GABBR2: variants seen among roughly 807,000 people sequenced by gnomAD.
The protein encoded by GABBR2 is gamma-aminobutyric acid type B receptor subunit 2, also known as G-protein coupled receptor 51.
In GABBR2, 23 loss-of-function variants were observed where a neutral mutation model predicts 105.6. That is an observed-to-expected ratio of 0.22 (90% CI 0.16 to 0.31). The LOEUF (loss-of-function observed/expected upper bound fraction) is 0.31. Ranked by LOEUF, GABBR2 falls within the 10% of genes least tolerant of loss-of-function variation. The probability of loss-of-function intolerance (pLI) is 1.00; values close to 1 mark genes in which losing one functional copy is unlikely to be tolerated. For synonymous variants in GABBR2, 478 were observed against 499.7 expected, an observed-to-expected ratio of 0.96 and a Z score of 0.58; for missense variants, 734 against 1,245.5, an observed-to-expected ratio of 0.59 and a Z score of 6.18.
At chr9:98,628,864 A>C (rs1162309134) in intron 1 of GABBR2, among the ~76,000 whole-genome samples, 2 of 152,222 alleles carry the variant, frequency 1.3e-5, no homozygotes, top group African/African-American at 2.4e-5. Flanking sequence ...GGCCACGTGC[A>C]AACATGCACG....
chr9:98,491,087 A>G (rs1030956421), intron 4 of GABBR2, among the ~76,000 whole-genome samples: 3 of 151,472 alleles, frequency 2.0e-5, no homozygotes, highest in Admixed American at 1.3e-4. Context: ...TTCCGTCTCT[A>G]TTTTTAACAG....
At chr9:98,706,118 AAAAAAAAAG>A (rs1276602358) in intron 1 of GABBR2, among the ~76,000 whole-genome samples, 1 of 151,618 alleles carries the variant, frequency 6.6e-6, no homozygotes, top group Non-Finnish European at 1.5e-5. Flanking sequence ...ACAAAAAAAA[AAAAAAAAAG>A]AAGGAGGAGG....
intron 3 of GABBR2, among the ~76,000 whole-genome samples, chr9:98,501,267 C>T (rs1290323198): frequency 5.9e-5 from 9 of 151,956 alleles, no homozygotes; most frequent in African/African-American, 9.7e-5. Flanking sequence ...CAGCTTCAAG[C>T]GATTCTCCTG....
intron 3 of GABBR2, among the ~76,000 whole-genome samples, chr9:98,510,608 A>C (rs1176135077): frequency 6.6e-6 from 1 of 152,200 alleles, no homozygotes; most frequent in Admixed American, 6.5e-5. Flanking sequence ...AAAAAAAGGC[A>C]GGGGTTGCAA....
intron 13 of GABBR2, among the ~76,000 whole-genome samples, chr9:98,340,285 A>T (rs1831189075): frequency 6.6e-6 from 1 of 151,728 alleles, no homozygotes; most frequent in Non-Finnish European, 1.5e-5. Context: ...ACCCAGATTC[A>T]ATCTTAGTTC....
chr9:98,493,966 T>C (rs762836669), intron 4 of GABBR2, among the ~76,000 whole-genome samples: 3 of 152,196 alleles, frequency 2.0e-5, no homozygotes, highest in South Asian at 2.1e-4. Context: ...CAGATATTGT[T>C]AGAGGTAACT....
intron 11 of GABBR2, among the ~76,000 whole-genome samples, chr9:98,373,510 G>A (rs1478820843): frequency 6.6e-6 from 1 of 152,138 alleles, no homozygotes; most frequent in African/African-American, 2.4e-5. Context: ...CTCCTCCTCA[G>A]ATGGAGTCTC....
intron 13 of GABBR2, among the ~76,000 whole-genome samples, chr9:98,322,117 T>C (rs1374547391): frequency 6.6e-6 from 1 of 152,094 alleles, no homozygotes; most frequent in Non-Finnish European, 1.5e-5. Context: ...CAGGGGATCC[T>C]ATTTGGTCCT....
At chr9:98,467,947 G>C (rs1166492948) in intron 6 of GABBR2, among the ~76,000 whole-genome samples, 1 of 152,216 alleles carries the variant, frequency 6.6e-6, no homozygotes, top group East Asian at 1.9e-4. Flanking sequence ...AAACGAACAG[G>C]ACTTGAAAAA....
intron 7 of GABBR2, among the ~76,000 whole-genome samples, chr9:98,432,513 C>T (rs932539233): frequency 7.9e-5 from 12 of 152,158 alleles, no homozygotes; most frequent in African/African-American, 7.2e-5. Flanking sequence ...GTGGCTGACC[C>T]CAGCACACAA....
intron 11 of GABBR2, among the ~76,000 whole-genome samples, chr9:98,376,553 A>C (rs1831877089): frequency 6.9e-6 from 1 of 145,430 alleles, no homozygotes; most frequent in Non-Finnish European, 1.5e-5. Context: ...GCCCCAAAGC[A>C]AGCCCCAGAG....
intron 1 of GABBR2, among the ~76,000 whole-genome samples, chr9:98,690,429 T>C (rs756595309): frequency 5.9e-5 from 9 of 152,222 alleles, no homozygotes; most frequent in Non-Finnish European, 1.2e-4. Flanking sequence ...ATTTCATCTT[T>C]ATACATCAGC....
chr9:98,374,638 G>T (rs1322647070), intron 11 of GABBR2, among the ~76,000 whole-genome samples: 1 of 152,138 alleles, frequency 6.6e-6, no homozygotes, highest in Admixed American at 6.5e-5. Context: ...AAAACCCTGG[G>T]CGTGTCATCT....
intron 1 of GABBR2, among the ~76,000 whole-genome samples, chr9:98,706,936 T>C (rs917349976): frequency 6.6e-6 from 1 of 152,144 alleles, no homozygotes; most frequent in Non-Finnish European, 1.5e-5. Context: ...GGAATGTCAT[T>C]CGGAAATGAT....
chr9:98,467,266 T>C (rs1826578590), intron 6 of GABBR2, among the ~76,000 whole-genome samples: 1 of 152,180 alleles, frequency 6.6e-6, no homozygotes, highest in Non-Finnish European at 1.5e-5. Context: ...GATGTTGGTA[T>C]AGATGACCAG....
intron 1 of GABBR2, among the ~76,000 whole-genome samples, chr9:98,704,278 A>T (rs1830867558): frequency 6.6e-6 from 1 of 152,208 alleles, no homozygotes; most frequent in Non-Finnish European, 1.5e-5. Flanking sequence ...CTCAAGAAAA[A>T]AGACATGCTC....
chr9:98,564,473 C>T (rs922499361), intron 2 of GABBR2, among the ~76,000 whole-genome samples: 12 of 152,104 alleles, frequency 7.9e-5, no homozygotes, highest in Admixed American at 2.0e-4. Flanking sequence ...GCAGGGACTC[C>T]GGAGCCATTT....
At chr9:98,583,964 C>T (rs1009152482) in intron 1 of GABBR2, among the ~76,000 whole-genome samples, 2 of 152,194 alleles carry the variant, frequency 1.3e-5, no homozygotes, top group African/African-American at 4.8e-5. Flanking sequence ...GTCTGTCTGA[C>T]AGCTTTTAGT....
In GABBR2 at chr9:98,306,255, C is replaced by T. The variant is rs1830549332; in HGVS notation, c.2095G>A (p.Val699Met). The change falls in exon 15 of 19, where the codon GTG becomes ATG. Residue 699 changes from valine (V) to methionine (M), a missense_variant. Transcript: ENST00000259455. This position sits in a 1 kb window ranked among gnomAD's most constrained non-coding sequence, Gnocchi z 5.4. ...GCCCCGATGATGCACATGATCCCCACGTTGTAGACACTCATCCCGATGTAC... is the reference window on the plus strand; with the variant it reads ...GCCCCGATGATGCACATGATCCCCATGTTGTAGACACTCATCCCGATGTAC... ...SKYIGMSVYN[V>M]GIMCIIGAAV... is the part of the protein sequence containing the mutation. The T allele has an allele frequency of 1.2e-6, 2 of 1,613,942 alleles. No individual in the cohort carries two copies. The highest frequency in any genetic ancestry group is 1.7e-5 in the Admixed American group (1 of 60,008).
Sources: allele counts gnomAD v4.1 joint callset (sites outside exome capture counted in the v4.1 genomes callset), GRCh38; gene constraint gnomAD v4.1.1; non-coding constraint Gnocchi (gnomAD v3.1); transcripts MANE v1.5; gene names NCBI Gene and HGNC (gene_info 2026-07-23, HGNC 2026-07-21).